NDUFA12: variants seen among roughly 807,000 people sequenced by gnomAD.
NDUFA12 encodes the protein NADH dehydrogenase [ubiquinone] 1 alpha subcomplex subunit 12.
A neutral mutation model predicts 20.3 loss-of-function variants in NDUFA12; 17 were observed. That is an observed-to-expected ratio of 0.84 (90% CI 0.57 to 1.26). NDUFA12 has a LOEUF of 1.26. Ranked by LOEUF, NDUFA12 falls within the 50% of genes most tolerant of loss-of-function variation. NDUFA12 has a pLI of 0.00. For synonymous variants in NDUFA12, 72 were observed against 63.6 expected, an observed-to-expected ratio of 1.13 and a Z score of -0.63; for missense variants, 191 against 183.7, an observed-to-expected ratio of 1.04 and a Z score of -0.23.
intron 3 of NDUFA12, 48 bp from the exon 4 acceptor site, chr12:94,971,668 A>C: frequency 6.2e-7 from 1 of 1,602,108 alleles, no homozygotes; most frequent in Non-Finnish European, 8.6e-7. Flanking sequence ...GCAGTACAGC[A>C]TAGTGGAAGG....
chr12:94,989,072 C>T (rs1040071421), intron 3 of NDUFA12, among the ~76,000 whole-genome samples: 2 of 152,132 alleles, frequency 1.3e-5, no homozygotes, highest in Admixed American at 6.5e-5. Flanking sequence ...CCTGTGGTTC[C>T]CTCTGCCTGG....
intron 3 of NDUFA12, among the ~76,000 whole-genome samples, chr12:94,978,347 T>C (rs1313104546): frequency 6.6e-6 from 1 of 152,150 alleles, no homozygotes; most frequent in Non-Finnish European, 1.5e-5. Context: ...AGGGTAACAG[T>C]CATAGAGGCA....
At chr12:94,981,605 G>T (rs1004159693) in intron 3 of NDUFA12, among the ~76,000 whole-genome samples, 1 of 152,080 alleles carries the variant, frequency 6.6e-6, no homozygotes, top group Non-Finnish European at 1.5e-5. Flanking sequence ...TGTAAAAAAA[G>T]ACACTAAATT....
intron 3 of NDUFA12, among the ~76,000 whole-genome samples, chr12:94,974,240 G>A (rs1217875957): frequency 6.6e-6 from 1 of 152,018 alleles, no homozygotes; most frequent in African/African-American, 2.4e-5. Context: ...CCAAAGTGCT[G>A]AGATTAAGGC....
intron 3 of NDUFA12, among the ~76,000 whole-genome samples, chr12:94,978,627 G>A (rs1046145006): frequency 1.3e-5 from 2 of 152,042 alleles, no homozygotes; most frequent in African/African-American, 4.8e-5. Flanking sequence ...TTTGCAAATG[G>A]GTATTACTGT....
intron 3 of NDUFA12, among the ~76,000 whole-genome samples, chr12:94,976,011 C>T (rs552675433): frequency 9.5e-4 from 144 of 151,816 alleles, no homozygotes; most frequent in Non-Finnish European, 1.9e-3. Flanking sequence ...GCCTGGACAG[C>T]GGGGGATCCC....
chr12:94,984,560 C>G (rs1485961257), intron 3 of NDUFA12, among the ~76,000 whole-genome samples: 2 of 150,818 alleles, frequency 1.3e-5, no homozygotes, highest in Non-Finnish European at 3.0e-5. Context: ...CAAAAAAAAG[C>G]AAACAAACAC....
chr12:94,973,392 G>A (rs758722480), intron 3 of NDUFA12, among the ~76,000 whole-genome samples: 1 of 152,190 alleles, frequency 6.6e-6, no homozygotes, highest in African/African-American at 2.4e-5. Context: ...ATGAGCACAC[G>A]AGCGCTGAAG....
At position 95,002,728 on chromosome 12, in the gene NDUFA12, A is replaced by T; in HGVS notation, c.169+11T>A. Reference sequence around the variant, plus strand: ...AATCCAATTATTCATACTAAAAAATACTGCACTCACCAAAAAATTGCTTGT... The same window carrying T: ...AATCCAATTATTCATACTAAAAAATTCTGCACTCACCAAAAAATTGCTTGT... On this transcript the variant is annotated intron_variant, in intron 2 of 3. Coordinates refer to ENST00000327772, the MANE Select transcript of NDUFA12 (RefSeq NM_018838.5). 2.5e-6 allele frequency: 4 copies of T among 1,601,008 alleles called. No individual in the cohort carries two copies. The highest frequency in any genetic ancestry group is 3.4e-6 in the Non-Finnish European group (4 of 1,168,122).
intron 3 of NDUFA12, among the ~76,000 whole-genome samples, chr12:94,985,350 C>T (rs997844458): frequency 7.2e-5 from 11 of 151,928 alleles, no homozygotes; most frequent in African/African-American, 2.4e-4. Flanking sequence ...GTAGGCCGGG[C>T]GCAGTGGCTC....
intron 3 of NDUFA12, among the ~76,000 whole-genome samples, chr12:94,974,902 T>C (rs1874018868): frequency 6.6e-6 from 1 of 151,734 alleles, no homozygotes; most frequent in Non-Finnish European, 1.5e-5. Flanking sequence ...GGTTAATGGG[T>C]ATAAAAAAAA....
chr12:94,993,811 G>A (rs1220817606), intron 3 of NDUFA12, among the ~76,000 whole-genome samples: 1 of 151,890 alleles, frequency 6.6e-6, no homozygotes, highest in Non-Finnish European at 1.5e-5. Flanking sequence ...GCTCACACCT[G>A]TAGTCCCAGC....
chr12:94,992,413 T>C (rs569908347), intron 3 of NDUFA12, among the ~76,000 whole-genome samples: 22 of 152,316 alleles, frequency 1.4e-4, no homozygotes, highest in African/African-American at 5.1e-4. Context: ...CAAAGTTCTT[T>C]TCACCTTTCG....
intron 3 of NDUFA12, among the ~76,000 whole-genome samples, chr12:94,990,472 G>A (rs1377371396): frequency 1.3e-5 from 2 of 152,096 alleles, no homozygotes; most frequent in Non-Finnish European, 1.5e-5. Flanking sequence ...ACCCACGCTG[G>A]AGTACAGTGG....
At chr12:94,974,324 T>G (rs963169289) in intron 3 of NDUFA12, among the ~76,000 whole-genome samples, 1 of 152,058 alleles carries the variant, frequency 6.6e-6, no homozygotes, top group African/African-American at 2.4e-5. Context: ...TAAAATGGCT[T>G]TTATACAAAA....
At position 95,003,637 on chromosome 12, in the gene NDUFA12, G is replaced by A. The variant is rs138865666; in HGVS notation, c.44C>T (p.Thr15Ile). The A allele has an allele frequency of 1.3e-5, 21 of 1,614,070 alleles. No homozygotes were observed. In the Middle Eastern group the frequency reaches 6.6e-4, roughly 51 times the overall value. ...QVLKRGLQQI[T>I]GHGGLRGYLR... ...ATAGCCTCGGAGACCGCCGTGGCCG[G>A]TGATCTGCTGCAGCCCGCGTTTCAG... Residue 15 changes from threonine to isoleucine, a missense_variant, in exon 1 of 4, where the codon ACC (threonine) becomes ATC (isoleucine). Thr to Ile is a moderately conservative substitution (Grantham distance 89). Transcript: ENST00000327772.
At chr12:94,991,990 A>G (rs1874662132) in intron 3 of NDUFA12, among the ~76,000 whole-genome samples, 1 of 152,156 alleles carries the variant, frequency 6.6e-6, no homozygotes, top group Non-Finnish European at 1.5e-5. Context: ...ACAGAGGCAA[A>G]TACACTGAGA....
chr12:94,975,589 T>C (rs77373392), intron 3 of NDUFA12, among the ~76,000 whole-genome samples: 1 of 152,294 alleles, frequency 6.6e-6, no homozygotes, highest in East Asian at 1.9e-4. Context: ...GGTGGATCCA[T>C]TTCCATTTAA....
intron 3 of NDUFA12, among the ~76,000 whole-genome samples, chr12:94,979,742 C>A (rs1874177342): frequency 1.3e-5 from 2 of 149,768 alleles, no homozygotes; most frequent in Admixed American, 6.7e-5. Flanking sequence ...GGCAGAGGCA[C>A]AAGAATTGCT....
Sources: allele counts gnomAD v4.1 joint callset (sites outside exome capture counted in the v4.1 genomes callset), GRCh38; gene constraint gnomAD v4.1.1; transcripts MANE v1.5; gene names NCBI Gene and HGNC (gene_info 2026-07-23, HGNC 2026-07-21).